Variants in PCDHA5 observed in about 807,000 individuals in gnomAD.
The protein encoded by PCDHA5 is protocadherin alpha 5, also known as protocadherin alpha-5.
In PCDHA5, 43 loss-of-function variants were observed where a neutral mutation model predicts 61.6. The ratio of observed to expected loss-of-function variants is 0.70; its 90% CI spans 0.55 to 0.90. PCDHA5 has a LOEUF of 0.90. Among genes scored for constraint, PCDHA5 ranks in the 40% least tolerant of loss-of-function variants. The pLI, the probability that PCDHA5 is intolerant of heterozygous loss-of-function variation, is 0.00. For synonymous variants in PCDHA5, 627 were observed against 543.9 expected (o/e 1.15, Z -2.13); for missense variants, 1,298 against 1,222.7 (o/e 1.06, Z -0.92).
Position 140,949,948 on chromosome 5 carries a change from G to T in PCDHA5, c.2353-29001G>T, listed in dbSNP as rs2094436034. Among the ~76,000 whole-genome samples the T allele has an allele frequency of 2.0e-5, 3 of 151,288 alleles. No individual in the cohort carries two copies. In the South Asian group the frequency reaches 6.2e-4, roughly 31 times the overall value. On this transcript the variant is annotated intron_variant, in intron 1 of 3. Coordinates refer to ENST00000529859, the MANE Select transcript of PCDHA5 (RefSeq NM_018908.3). ...GATTTTTTTTAATTTGCATTTTTTA[G>T]TGGTTGCTGTAAGGATTACAGCATA...
chr5:140,845,110 T>C (rs1779704552), intron 1 of PCDHA5, among the ~76,000 whole-genome samples: 1 of 149,836 alleles, frequency 6.7e-6, no homozygotes, highest in East Asian at 1.9e-4. Flanking sequence ...TTAATGCCTG[T>C]CCATGTTTAG....
chr5:140,999,614 A>G (rs572897182), intron 3 of PCDHA5, among the ~76,000 whole-genome samples: 1 of 152,302 alleles, frequency 6.6e-6, no homozygotes, highest in African/African-American at 2.4e-5. Flanking sequence ...GGACCTTATC[A>G]ACCAGGAAAC....
chr5:140,856,488 T>C lies in PCDHA5; in HGVS notation c.2352+32361T>C. Reference sequence around the variant, plus strand: ...CTCTCAATACCTGAATCCAGACTGCTTGACTCTCGATTTCCACTAGAAGGC... The same window carrying C: ...CTCTCAATACCTGAATCCAGACTGCCTGACTCTCGATTTCCACTAGAAGGC... On this transcript the variant is annotated intron_variant, in intron 1 of 3. Coordinates refer to ENST00000529859, the MANE Select transcript of PCDHA5 (RefSeq NM_018908.3). 3.1e-6 allele frequency: 5 copies of C among 1,598,406 alleles called. 2 individuals carry two copies. Among genetic ancestry groups the C allele is most frequent in the Non-Finnish European group, 3.4e-6 (4 of 1,167,896 alleles).
chr5:140,892,595 AT>A (rs1385818954), intron 1 of PCDHA5, among the ~76,000 whole-genome samples: 1 of 151,958 alleles, frequency 6.6e-6, no homozygotes, highest in African/African-American at 2.4e-5. Flanking sequence ...TCATTCACCT[AT>A]TTTTTTCCTT....
chr5:140,876,273 C>T, intron 1 of PCDHA5: 1 of 1,613,982 alleles, frequency 6.2e-7, no homozygotes, highest in South Asian at 1.1e-5. Context: ...TAAATGCTTC[C>T]GATCCAGACG....
intron 1 of PCDHA5, among the ~76,000 whole-genome samples, chr5:140,920,752 G>A (rs2079807244): frequency 6.6e-6 from 1 of 151,768 alleles, no homozygotes; most frequent in African/African-American, 2.4e-5. Context: ...GCTGAGGCAG[G>A]AGAATTGCTT....
At chr5:140,829,158 C>A in intron 1 of PCDHA5, 1 of 1,614,016 alleles carries the variant, frequency 6.2e-7, no homozygotes, top group Non-Finnish European at 8.5e-7. Flanking sequence ...ACTTCCTTAT[C>A]CTTGCCTGTA....
chr5:140,997,610 C>A (rs1223241020), intron 3 of PCDHA5, among the ~76,000 whole-genome samples: 1 of 151,776 alleles, frequency 6.6e-6, no homozygotes, highest in Non-Finnish European at 1.5e-5. Flanking sequence ...GGGCGCATGA[C>A]TATATAGAGA....
intron 1 of PCDHA5, chr5:140,843,329 G>T: frequency 6.3e-7 from 1 of 1,596,060 alleles, no homozygotes; most frequent in Non-Finnish European, 8.6e-7. Context: ...GGTGTCGCTG[G>T]TGGAGAGCGG....
At chr5:140,953,620 T>G (rs1207803220) in intron 1 of PCDHA5, among the ~76,000 whole-genome samples, 1 of 152,146 alleles carries the variant, frequency 6.6e-6, no homozygotes, top group Non-Finnish European at 1.5e-5. Context: ...CTTAGATATT[T>G]GCTTTATGTA....
intron 1 of PCDHA5, chr5:140,842,702 A>G (rs1554139288): frequency 2.5e-6 from 4 of 1,595,028 alleles, no homozygotes; most frequent in Non-Finnish European, 1.7e-6. Flanking sequence ...GCCCGAGTAC[A>G]CGGTGTTCGT....
At chr5:140,902,514 T>C (rs1288692863) in intron 1 of PCDHA5, among the ~76,000 whole-genome samples, 1 of 152,128 alleles carries the variant, frequency 6.6e-6, no homozygotes, top group Non-Finnish European at 1.5e-5. Flanking sequence ...CTGTCATATA[T>C]GGTTTTTATT....
At chr5:140,971,807 T>C in intron 1 of PCDHA5, among the ~76,000 whole-genome samples, 1 of 152,270 alleles carries the variant, frequency 6.6e-6, no homozygotes, top group Middle Eastern at 3.4e-3. Context: ...TATTATAATA[T>C]TGAATACATA....
At chr5:140,987,334 C>A (rs925665306) in intron 3 of PCDHA5, among the ~76,000 whole-genome samples, 1 of 152,086 alleles carries the variant, frequency 6.6e-6, no homozygotes, top group East Asian at 1.9e-4. Flanking sequence ...AAGAACTGGT[C>A]TAAGGTAAAT....
At chr5:140,888,558 C>G (rs782768307) in intron 1 of PCDHA5, among the ~76,000 whole-genome samples, 1 of 152,188 alleles carries the variant, frequency 6.6e-6, no homozygotes, top group Non-Finnish European at 1.5e-5. Flanking sequence ...TTATTCCTTT[C>G]AAGGCTTCAT....
At chr5:140,855,753 G>A (rs1461376517) in intron 1 of PCDHA5, 1 of 333,040 alleles carries the variant, frequency 3.0e-6, no homozygotes, top group African/African-American at 2.1e-5. Context: ...GTGAGGCTTT[G>A]AAAGTCCATA....
chr5:140,985,975 G>A (rs2097182023), intron 3 of PCDHA5, among the ~76,000 whole-genome samples: 2 of 152,148 alleles, frequency 1.3e-5, no homozygotes, highest in South Asian at 2.1e-4. Flanking sequence ...TCCTGACCTC[G>A]TGATCCGCCC....
intron 1 of PCDHA5, among the ~76,000 whole-genome samples, chr5:140,832,776 C>T (rs1336330219): frequency 4.6e-5 from 7 of 152,078 alleles, no homozygotes; most frequent in African/African-American, 1.7e-4. Flanking sequence ...GTAAGAGGTG[C>T]TAGAAAGGTA....
At chr5:140,976,515 C>T (rs1285704969) in intron 1 of PCDHA5, among the ~76,000 whole-genome samples, 1 of 152,016 alleles carries the variant, frequency 6.6e-6, no homozygotes, top group Non-Finnish European at 1.5e-5. Flanking sequence ...CGCGCCACTG[C>T]ACACCAGCCT....
Sources: gnomAD v4.1 joint callset for allele counts (sites outside exome capture counted in the v4.1 genomes callset) on GRCh38, gnomAD v4.1.1 for gene constraint, MANE v1.5 for transcripts, NCBI Gene and HGNC (gene_info 2026-07-23, HGNC 2026-07-21) for gene names.